STK40: variants seen among roughly 807,000 people sequenced by gnomAD.
STK40 encodes the protein serine/threonine kinase 40, also known as serine/threonine-protein kinase 40.
In STK40, 13 loss-of-function variants were observed where a neutral mutation model predicts 47.9. The ratio of observed to expected loss-of-function variants is 0.27; its 90% CI spans 0.18 to 0.43. STK40 has a LOEUF of 0.43. STK40 is among the 20% of genes least tolerant of loss of function. The pLI, the probability that STK40 is intolerant of heterozygous loss-of-function variation, is 1.00. For missense variants in STK40, 460 were observed against 595.1 expected (o/e 0.77, Z 2.36); for synonymous variants, 225 against 243.2 (o/e 0.93, Z 0.69).
intron 1 of STK40, among the ~76,000 whole-genome samples, chr1:36,382,781 T>C (rs1647051314): frequency 6.6e-6 from 1 of 152,348 alleles, no homozygotes; most frequent in Middle Eastern, 3.4e-3. Context: ...CAGTGTCTGT[T>C]AAGTACTCAT....
chr1:36,363,650 C>CA (rs796192523), intron 1 of STK40, among the ~76,000 whole-genome samples: 3,090 of 118,826 alleles, frequency 0.026, 107 homozygotes, highest in African/African-American at 0.084. Flanking sequence ...ACTAAAAATA[C>CA]AAAAAAAAAA....
intron 1 of STK40, among the ~76,000 whole-genome samples, chr1:36,367,595 G>A (rs1034773729): frequency 1.3e-5 from 2 of 152,192 alleles, no homozygotes; most frequent in Non-Finnish European, 2.9e-5. Context: ...ACCAGGTCCA[G>A]GAAAGCTGGC....
chr1:36,347,662 T>G (rs1409261478), intron 7 of STK40, among the ~76,000 whole-genome samples: 1 of 151,588 alleles, frequency 6.6e-6, no homozygotes, highest in African/African-American at 2.4e-5. Context: ...TTTTTCTTTT[T>G]TTTTTTTTGA....
At chr1:36,342,041 G>C (rs1348556219) in intron 10 of STK40, 68 bp from the exon 11 acceptor site, 1 of 1,448,112 alleles carries the variant, frequency 6.9e-7, no homozygotes, top group Non-Finnish European at 9.4e-7. Context: ...GCAGACAGGA[G>C]GGCAGGCAAG....
Position 36,348,823 on chromosome 1 carries a change from TG to T in STK40, c.624-9del. ...ATGGTTATCCGATGTGTCCTAGGAG[TG>T]GGAGACAGAGTGAACAAACCTCAGT... On this transcript the variant is annotated splice_polypyrimidine_tract_variant and intron_variant, in intron 6 of 10. Coordinates refer to ENST00000373132, the MANE Select transcript of STK40 (RefSeq NM_001282547.2). 6.3e-7 allele frequency: 1 copy of T among 1,594,478 alleles called. No individual in the cohort carries two copies. Among genetic ancestry groups the T allele is most frequent in the South Asian group, 1.1e-5 (1 of 88,268 alleles).
rs915792395 is a variant in STK40, at chr1:36,343,868, A to G, written c.996T>C (p.Ile332=). The part of the protein sequence containing the change: ...ADVLEALSAI[I]ASWQSLSSLS... The stretch of plus-strand genomic sequence containing the variant: ...AGTGCCTGTCCACTTACCATGATGC[A>G]ATGATGGCACTGAGGGCCTCCAGGA... The change falls in exon 9 of 11, where the codon ATT becomes ATC. Residue 332 remains isoleucine (I), a synonymous_variant. Transcript: ENST00000373132. The G allele has an allele frequency of 2.5e-6, 4 of 1,593,910 alleles. No homozygotes were observed. The highest frequency in any genetic ancestry group is 2.6e-6 in the Non-Finnish European group (3 of 1,166,232).
chr1:36,364,770 G>T (rs957026655), intron 1 of STK40, among the ~76,000 whole-genome samples: 1 of 151,924 alleles, frequency 6.6e-6, no homozygotes, highest in East Asian at 1.9e-4. Flanking sequence ...ACCAGCCTGG[G>T]CAACGTTGCG....
intron 2 of STK40, 132 bp from the exon 3 acceptor site, chr1:36,358,954 C>A: frequency 1.1e-6 from 1 of 920,086 alleles, no homozygotes; most frequent in Non-Finnish European, 1.6e-6. Flanking sequence ...ACTGACCCTC[C>A]AAGGTCTCCT....
intron 4 of STK40, among the ~76,000 whole-genome samples, chr1:36,357,114 T>A (rs1298534124): frequency 1.3e-5 from 2 of 152,212 alleles, no homozygotes; most frequent in Non-Finnish European, 2.9e-5. Flanking sequence ...ATGACAGTGT[T>A]CCAGCAGCAG....
chr1:36,345,989 A>ATT (rs1330462605), intron 7 of STK40, among the ~76,000 whole-genome samples: 1 of 19,580 alleles, frequency 5.1e-5, no homozygotes, highest in East Asian at 1.7e-3. Flanking sequence ...ATATATATAT[A>ATT]TATTTTTTTT....
chr1:36,343,763 C>T, intron 9 of STK40, 97 bp downstream of exon 9: 1 of 1,488,034 alleles, frequency 6.7e-7, no homozygotes, highest in Non-Finnish European at 8.9e-7. Context: ...CTCTAACTGG[C>T]AGAGAAGCAG....
intron 1 of STK40, among the ~76,000 whole-genome samples, chr1:36,366,708 T>C (rs1268969767): frequency 6.6e-6 from 1 of 151,812 alleles, no homozygotes; most frequent in Admixed American, 6.6e-5. Flanking sequence ...GGAGCCCAGG[T>C]CCCCCCAGAC....
intron 6 of STK40, among the ~76,000 whole-genome samples, chr1:36,350,869 G>A (rs139126327): frequency 1.1e-4 from 17 of 152,332 alleles, no homozygotes; most frequent in African/African-American, 3.1e-4. Flanking sequence ...AGCGGCAGGC[G>A]CACTGGAGTC....
In STK40 at chr1:36,358,363, C is replaced by G. The variant is rs761856633; in HGVS notation, c.218G>C (p.Arg73Thr). 1.2e-6 allele frequency: 2 copies of G among 1,604,614 alleles called. No individual in the cohort carries two copies. The highest frequency in any genetic ancestry group is 1.7e-4 in the Middle Eastern group (1 of 6,030). ...CTGGCTCTCTATGCCTTGGTCCCCCCTCTCCTCCAGGGTCAGGATCTTTAG... is the reference window on the plus strand; with the variant it reads ...CTGGCTCTCTATGCCTTGGTCCCCCGTCTCCTCCAGGGTCAGGATCTTTAG... ...YQLKILTLEERGDQGIESQEE... is the reference protein window; with the variant it reads ...YQLKILTLEETGDQGIESQEE... Residue 73 changes from arginine (R) to threonine (T), a missense_variant, in exon 4 of 11, where the codon AGG becomes ACG. Transcript: ENST00000373132.
chr1:36,379,419 C>T (rs1430237097), intron 1 of STK40, among the ~76,000 whole-genome samples: 17 of 128,614 alleles, frequency 1.3e-4, no homozygotes, highest in African/African-American at 1.8e-4. Context: ...TTTTTTGAAA[C>T]GGAGTCTCGC....
At chr1:36,354,515 G>C in intron 5 of STK40, 99 bp from the exon 6 acceptor site, 2 of 1,262,722 alleles carry the variant, frequency 1.6e-6, no homozygotes, top group Non-Finnish European at 1.2e-6. Flanking sequence ...CGAGAAGGCA[G>C]GAAAAATTCT....
intron 7 of STK40, among the ~76,000 whole-genome samples, chr1:36,344,667 C>T (rs564872370): frequency 5.2e-4 from 79 of 152,326 alleles, no homozygotes; most frequent in African/African-American, 1.8e-3. Flanking sequence ...CTTCACAGCC[C>T]GGATGACTAC....
At chr1:36,370,061 G>A (rs193015666) in intron 1 of STK40, among the ~76,000 whole-genome samples, 156 of 152,354 alleles carry the variant, frequency 1.0e-3, no homozygotes, top group Non-Finnish European at 1.6e-3. Flanking sequence ...GTAGGTAACT[G>A]GGGCTGCACT....
At chr1:36,379,669 C>T (rs747059425) in intron 1 of STK40, among the ~76,000 whole-genome samples, 2 of 151,996 alleles carry the variant, frequency 1.3e-5, no homozygotes, top group African/African-American at 2.4e-5. Context: ...TGTGAGCCAC[C>T]GCGCCCGGCC....
Sources: allele counts gnomAD v4.1 joint callset (sites outside exome capture counted in the v4.1 genomes callset), GRCh38; gene constraint gnomAD v4.1.1; transcripts MANE v1.5; gene names NCBI Gene and HGNC (gene_info 2026-07-23, HGNC 2026-07-21).